GALNT13: variants seen among roughly 807,000 people sequenced by gnomAD.
GALNT13 encodes the protein polypeptide N-acetylgalactosaminyltransferase 13.
A neutral mutation model predicts 64.2 loss-of-function variants in GALNT13; 28 were observed. The ratio of observed to expected loss-of-function variants is 0.44; its 90% CI spans 0.32 to 0.60. GALNT13 has a LOEUF of 0.60. GALNT13 is among the 20% of genes least tolerant of loss of function. GALNT13 has a pLI of 0.05. For synonymous variants in GALNT13, 214 were observed against 224.6 expected, an observed-to-expected ratio of 0.95 and a Z score of 0.42; for missense variants, 577 against 669.8, an observed-to-expected ratio of 0.86 and a Z score of 1.53.
chr2:153,234,257 G>A, the GALNT13 span, among the ~76,000 whole-genome samples: 1 of 152,136 alleles, frequency 6.6e-6, no homozygotes, highest in Non-Finnish European at 1.5e-5. Flanking sequence ...TGCAGAACAG[G>A]CCTGAGTTAA....
At chr2:153,768,843 G>A in the GALNT13 span, among the ~76,000 whole-genome samples, 3 of 152,196 alleles carry the variant, frequency 2.0e-5, no homozygotes, top group Admixed American at 2.0e-4. Context: ...TCCAGCCTTT[G>A]TGACAGAGCA....
intron 9 of GALNT13, among the ~76,000 whole-genome samples, chr2:154,365,780 TCTTA>T (rs1255542191): frequency 6.6e-6 from 1 of 152,218 alleles, no homozygotes; most frequent in Non-Finnish European, 1.5e-5. Context: ...ACTAAACAAG[TCTTA>T]CTTACTGCAT....
the GALNT13 span, among the ~76,000 whole-genome samples, chr2:153,250,299 T>A: frequency 1.3e-5 from 2 of 152,228 alleles, no homozygotes; most frequent in Admixed American, 1.3e-4. Flanking sequence ...TCATCGCTGG[T>A]CATTAGAGAA....
intron 3 of GALNT13, among the ~76,000 whole-genome samples, chr2:154,019,698 T>G (rs2105272719): frequency 6.6e-6 from 1 of 151,780 alleles, no homozygotes; most frequent in East Asian, 1.9e-4. Context: ...TTTGTTTTTT[T>G]TGTTTTTTTC....
chr2:153,878,194 A>G lies in GALNT13; in HGVS notation c.-177+5891A>G, dbSNP rs111454603. On this transcript the variant is annotated intron_variant, in intron 1 of 12. Coordinates refer to ENST00000392825, the MANE Select transcript of GALNT13 (RefSeq NM_052917.4). ...AGTGGATATTTTAACACCAAATAAC[A>G]TGGAAGAACTGAATCTCAAAATAAA... Among the ~76,000 whole-genome samples, 6 of 152,360 alleles carry G rather than the reference A, an allele frequency of 3.9e-5. 1 individual carries two copies. Among genetic ancestry groups the G allele is most frequent in the African/African-American group, 1.2e-4 (5 of 41,590 alleles).
At chr2:153,861,169 G>A in the GALNT13 span, among the ~76,000 whole-genome samples, 1 of 152,138 alleles carries the variant, frequency 6.6e-6, no homozygotes, top group Non-Finnish European at 1.5e-5. Context: ...CATTTACTGA[G>A]TTCCTAGTCT....
At chr2:154,036,734 A>T (rs930800908) in intron 3 of GALNT13, among the ~76,000 whole-genome samples, 5 of 152,116 alleles carry the variant, frequency 3.3e-5, no homozygotes, top group African/African-American at 9.6e-5. Flanking sequence ...TCTGCCCTCT[A>T]ATCCAATGGG....
At chr2:153,535,026 G>A in the GALNT13 span, among the ~76,000 whole-genome samples, 2 of 151,986 alleles carry the variant, frequency 1.3e-5, no homozygotes, top group Non-Finnish European at 2.9e-5. Flanking sequence ...AAAATTTTTG[G>A]GGGGTGGTAT....
chr2:153,248,296 C>T, the GALNT13 span, among the ~76,000 whole-genome samples: 2 of 152,054 alleles, frequency 1.3e-5, no homozygotes, highest in Non-Finnish European at 2.9e-5. Flanking sequence ...TGATGAAAAT[C>T]GATGTGAAAA....
At chr2:153,377,555 G>C in the GALNT13 span, among the ~76,000 whole-genome samples, 1 of 152,050 alleles carries the variant, frequency 6.6e-6, no homozygotes, top group East Asian at 1.9e-4. Context: ...GCCCTCCTCT[G>C]TGCTCTCTTG....
At chr2:153,700,465 C>T in the GALNT13 span, among the ~76,000 whole-genome samples, 1 of 152,096 alleles carries the variant, frequency 6.6e-6, no homozygotes, top group Non-Finnish European at 1.5e-5. Context: ...CACTCCTATT[C>T]AACATAGTAC....
intron 3 of GALNT13, among the ~76,000 whole-genome samples, chr2:154,127,913 A>T (rs1574555644): frequency 6.6e-6 from 1 of 151,850 alleles, no homozygotes; most frequent in African/African-American, 2.4e-5. Context: ...TAAGGATTTT[A>T]AGAGGAAACT....
At chr2:154,228,269 C>A (rs1441749971) in intron 4 of GALNT13, among the ~76,000 whole-genome samples, 1 of 151,818 alleles carries the variant, frequency 6.6e-6, no homozygotes, top group African/African-American at 2.4e-5. Context: ...TTTTTTTCCC[C>A]CTAAATGGGA....
the GALNT13 span, among the ~76,000 whole-genome samples, chr2:153,623,884 T>C: frequency 4.6e-5 from 7 of 152,080 alleles, no homozygotes; most frequent in Non-Finnish European, 1.0e-4. Flanking sequence ...AAGAATGTTT[T>C]TTAGGGATGG....
chr2:153,403,739 T>G, the GALNT13 span, among the ~76,000 whole-genome samples: 18 of 152,186 alleles, frequency 1.2e-4, no homozygotes, highest in African/African-American at 4.1e-4. Context: ...GGGAACTCCC[T>G]GACCCCTTGC....
chr2:153,541,027 G>A, the GALNT13 span, among the ~76,000 whole-genome samples: 1 of 152,134 alleles, frequency 6.6e-6, no homozygotes, highest in African/African-American at 2.4e-5. Flanking sequence ...TGAGATTTGA[G>A]AGGGGCCAGG....
intron 3 of GALNT13, among the ~76,000 whole-genome samples, chr2:153,976,961 C>G (rs946548495): frequency 2.0e-5 from 3 of 152,046 alleles, no homozygotes; most frequent in Non-Finnish European, 4.4e-5. Flanking sequence ...ACTATACCTC[C>G]TCTAATAATA....
chr2:154,367,746 C>T (rs1008365191), intron 9 of GALNT13, among the ~76,000 whole-genome samples: 1 of 152,074 alleles, frequency 6.6e-6, no homozygotes, highest in African/African-American at 2.4e-5. Flanking sequence ...ATGACCTTGC[C>T]AATTTCTCTA....
At chr2:153,094,672 G>T in the GALNT13 span, among the ~76,000 whole-genome samples, 1 of 152,050 alleles carries the variant, frequency 6.6e-6, no homozygotes, top group African/African-American at 2.4e-5. Context: ...ATAGCATGGT[G>T]CTGGTACCAA....
Sources: allele counts gnomAD v4.1 joint callset (sites outside exome capture counted in the v4.1 genomes callset), GRCh38; gene constraint gnomAD v4.1.1; transcripts MANE v1.5; gene names NCBI Gene and HGNC (gene_info 2026-07-23, HGNC 2026-07-21).